The following PSMG4 variants were observed in gnomAD, a reference collection of about 807,000 sequenced individuals.
The protein encoded by PSMG4 is proteasome assembly chaperone 4.
A neutral mutation model predicts 11.0 loss-of-function variants in PSMG4; 10 were observed. The ratio of observed to expected loss-of-function variants is 0.91; its 90% CI spans 0.56 to 1.54. The LOEUF (loss-of-function observed/expected upper bound fraction) is 1.54, where lower values mean the gene tolerates loss of function less well. Among genes scored for constraint, PSMG4 ranks in the 40% most tolerant of loss-of-function variants. The pLI is 0.00. For synonymous variants in PSMG4, 95 were observed against 71.3 expected, an observed-to-expected ratio of 1.33 and a Z score of -1.68; for missense variants, 198 against 160.9, an observed-to-expected ratio of 1.23 and a Z score of -1.25.
chr6:3,254,823 C>A (rs866992587), upstream of PSMG4, among the ~76,000 whole-genome samples: 1 of 152,094 alleles, frequency 6.6e-6, no homozygotes, highest in African/African-American at 2.4e-5. Flanking sequence ...CAATTCTGGA[C>A]ACAGTGGGAC....
chr6:3,267,798 C>T lies in PSMG4; in HGVS notation c.*86C>T, dbSNP rs148282677. The T allele has an allele frequency of 6.0e-5, 83 of 1,383,294 alleles. No homozygotes were observed. Among genetic ancestry groups the T allele is most frequent in the Middle Eastern group, 5.5e-4 (3 of 5,462 alleles). The allele number at this position is 1,383,294 out of a possible 1,614,324, so 85.7% of individuals were successfully genotyped here. On this transcript the variant is annotated 3_prime_UTR_variant, in exon 3 of 3. Transcript: ENST00000438998. ...TGAATTTCAGTTTGTCATCAGGCCG[C>T]GCTCCCGTTTTGTTTTTAAGGGGTT... is the stretch of plus-strand genomic sequence containing the variant.
chr6:3,263,891 A>G, intron 2 of PSMG4, 132 bp downstream of exon 2: 1 of 1,461,330 alleles, frequency 6.8e-7, no homozygotes, highest in Non-Finnish European at 9.1e-7. Flanking sequence ...GCTGGGAAGC[A>G]CAGACCTTTG....
intron 2 of PSMG4, chr6:3,266,707 G>T (rs896985689): frequency 6.9e-6 from 1 of 144,288 alleles, no homozygotes; most frequent in Non-Finnish European, 1.5e-5. Flanking sequence ...AGAAAATTAC[G>T]TGTGTGTCCA....
chr6:3,260,771 C>T (rs1757961534), intron 1 of PSMG4, among the ~76,000 whole-genome samples: 2 of 152,192 alleles, frequency 1.3e-5, no homozygotes, highest in South Asian at 4.1e-4. Context: ...TGCCTTGTAA[C>T]CAGGGCAACA....
intron 2 of PSMG4, chr6:3,265,974 T>C (rs1163538990): frequency 6.6e-6 from 1 of 151,294 alleles, no homozygotes. Flanking sequence ...ACACATGTCA[T>C]ACAATTCAGC....
At chr6:3,254,990 G>C, upstream of PSMG4, 5 of 1,520,188 alleles carry the variant, frequency 3.3e-6, 1 homozygote, top group South Asian at 3.8e-5. Context: ...GGATCCCATG[G>C]ACCTAGCGCA....
chr6:3,254,863 A>G (rs1424484524), upstream of PSMG4, among the ~76,000 whole-genome samples: 9 of 152,296 alleles, frequency 5.9e-5, no homozygotes, highest in East Asian at 5.8e-4. Flanking sequence ...CAGGGTGAAC[A>G]TGAGATGCTG....
chr6:3,254,484 T>C (rs1253331162), upstream of PSMG4, among the ~76,000 whole-genome samples: 21 of 152,160 alleles, frequency 1.4e-4, no homozygotes, highest in Non-Finnish European at 2.1e-4. Context: ...TAAATATTGT[T>C]GCTGGTGGTT....
At chr6:3,254,449 TGC>T (rs1757663332), upstream of PSMG4, among the ~76,000 whole-genome samples, 1 of 68,592 alleles carries the variant, frequency 1.5e-5, no homozygotes, top group Non-Finnish European at 4.8e-5. Context: ...AATAGTTTTC[TGC>T]TTTTTTTGTG....
chr6:3,267,327 TG>T (rs1758230780), intron 2 of PSMG4: 1 of 304,092 alleles, frequency 3.3e-6, no homozygotes, highest in African/African-American at 2.1e-5. Flanking sequence ...GCCCAGCAGC[TG>T]CCTCTCGAAC....
upstream of PSMG4, chr6:3,255,209 G>T (rs1292002739): frequency 6.5e-7 from 1 of 1,550,258 alleles, no homozygotes; most frequent in Non-Finnish European, 8.7e-7. Flanking sequence ...TTTGGTGGCA[G>T]CAGGAGCAAA....
upstream of PSMG4, chr6:3,258,921 A>G: frequency 8.7e-7 from 1 of 1,149,030 alleles, no homozygotes; most frequent in Non-Finnish European, 1.1e-6. Context: ...GCCGAAAGCG[A>G]AAGCGCGCTC....
At chr6:3,255,304 G>C, upstream of PSMG4, 1 of 1,518,506 alleles carries the variant, frequency 6.6e-7, no homozygotes. Context: ...TCCTGGGAGA[G>C]TGGTGGATGA....
chr6:3,266,994 T>G, intron 2 of PSMG4: 1 of 151,192 alleles, frequency 6.6e-6, no homozygotes, highest in African/African-American at 2.4e-5. Flanking sequence ...TAGCTGGGAC[T>G]ACAGGCGCCC....
At chr6:3,261,366 C>T (rs775411849) in intron 1 of PSMG4, among the ~76,000 whole-genome samples, 5 of 152,078 alleles carry the variant, frequency 3.3e-5, no homozygotes, top group Non-Finnish European at 7.3e-5. Context: ...CTCTCTTTAT[C>T]CCAAGGCATA....
upstream of PSMG4, chr6:3,258,826 G>A (rs1757849613): frequency 7.0e-6 from 3 of 431,242 alleles, no homozygotes; most frequent in Non-Finnish European, 1.2e-5. Context: ...CCCAGGGCCG[G>A]CAGCCGCCCC....
intron 1 of PSMG4, among the ~76,000 whole-genome samples, chr6:3,260,291 A>ATTTTTTTTTT (rs869076629): frequency 0.082 from 5,824 of 70,602 alleles, 1,044 homozygotes; most frequent in Non-Finnish European, 0.11. Flanking sequence ...ATATATATAT[A>ATTTTTTTTTT]TTTTTTTTTT....
upstream of PSMG4, among the ~76,000 whole-genome samples, chr6:3,254,428 C>A (rs532270732): frequency 6.8e-6 from 1 of 145,992 alleles, no homozygotes; most frequent in Non-Finnish European, 1.5e-5. Flanking sequence ...GGAGGTATGG[C>A]TTTGTGCTGT....
chr6:3,255,281 CTA>C, upstream of PSMG4: 2 of 1,536,216 alleles, frequency 1.3e-6, no homozygotes, highest in East Asian at 2.5e-5. Context: ...TCTTACGGGT[CTA>C]TCGGTGCCCA....
Sources: allele counts gnomAD v4.1 joint callset (sites outside exome capture counted in the v4.1 genomes callset), GRCh38; gene constraint gnomAD v4.1.1; transcripts MANE v1.5; gene names NCBI Gene and HGNC (gene_info 2026-07-23, HGNC 2026-07-21).